Variants in CACNA2D1 observed in about 807,000 individuals in gnomAD.
CACNA2D1 encodes the protein voltage-dependent calcium channel subunit alpha-2/delta-1.
CACNA2D1 carries 53 observed loss-of-function variants against 171.5 expected under a neutral mutation model. The observed-to-expected ratio is 0.31, with a 90% CI of 0.25 to 0.39. The LOEUF (loss-of-function observed/expected upper bound fraction) is 0.39. Among genes scored for constraint, CACNA2D1 ranks in the 10% least tolerant of loss-of-function variants. CACNA2D1 has a pLI of 1.00. For synonymous variants in CACNA2D1, 442 were observed against 443.1 expected, an observed-to-expected ratio of 1.00 and a Z score of 0.03; for missense variants, 903 against 1,299.8, an observed-to-expected ratio of 0.69 and a Z score of 4.69.
At chr7:81,963,293 C>T (rs1233403559) in intron 34 of CACNA2D1, among the ~76,000 whole-genome samples, 1 of 151,750 alleles carries the variant, frequency 6.6e-6, no homozygotes, top group Non-Finnish European at 1.5e-5. Context: ...CAAACCTCAA[C>T]ATCAAATGAA....
intron 1 of CACNA2D1, among the ~76,000 whole-genome samples, chr7:82,397,551 G>C (rs1263819046): frequency 2.0e-5 from 3 of 152,126 alleles, no homozygotes; most frequent in East Asian, 1.9e-4. Context: ...TATGCTGACA[G>C]AGTACACAAA....
chr7:82,370,588 G>T (rs907948898), intron 1 of CACNA2D1, among the ~76,000 whole-genome samples: 1 of 71,620 alleles, frequency 1.4e-5, no homozygotes, highest in African/African-American at 4.0e-5. Context: ...GATAGAAATA[G>T]AGATATACAG....
chr7:82,011,008 G>A (rs1404090548), intron 15 of CACNA2D1, among the ~76,000 whole-genome samples: 4 of 152,030 alleles, frequency 2.6e-5, no homozygotes, highest in South Asian at 2.1e-4. Context: ...GCTTAAGTGC[G>A]ATGATTATTA....
chr7:82,042,802 A>G (rs922873137), intron 10 of CACNA2D1, among the ~76,000 whole-genome samples: 1 of 152,150 alleles, frequency 6.6e-6, no homozygotes, highest in African/African-American at 2.4e-5. Context: ...AGTCCTCATG[A>G]AAGTTTTCAT....
intron 5 of CACNA2D1, among the ~76,000 whole-genome samples, chr7:82,119,215 A>G (rs1789430823): frequency 6.6e-6 from 1 of 152,178 alleles, no homozygotes; most frequent in Non-Finnish European, 1.5e-5. Flanking sequence ...TCTTTTCAAA[A>G]TATATCTTCT....
intron 14 of CACNA2D1, among the ~76,000 whole-genome samples, chr7:82,013,110 C>T (rs200013746): frequency 1.3e-5 from 2 of 151,938 alleles, no homozygotes; most frequent in African/African-American, 4.8e-5. Flanking sequence ...ATTTTATACA[C>T]AGTACCTACA....
intron 1 of CACNA2D1, among the ~76,000 whole-genome samples, chr7:82,393,504 C>T (rs756068781): frequency 2.0e-5 from 3 of 152,008 alleles, no homozygotes; most frequent in Non-Finnish European, 4.4e-5. Flanking sequence ...AAAATTTAAG[C>T]CCTTGGCTGT....
intron 3 of CACNA2D1, among the ~76,000 whole-genome samples, chr7:82,257,417 T>C (rs1806440799): frequency 6.6e-6 from 1 of 152,234 alleles, no homozygotes; most frequent in Non-Finnish European, 1.5e-5. Context: ...GAAAAATGCA[T>C]ACGCATCTTG....
At chr7:82,089,616 TAGAGTA>T (rs1033881434) in intron 6 of CACNA2D1, among the ~76,000 whole-genome samples, 12 of 152,192 alleles carry the variant, frequency 7.9e-5, no homozygotes, top group Non-Finnish European at 1.8e-4. Flanking sequence ...TTCTCCCTTT[TAGAGTA>T]TTCTATTGTT....
intron 3 of CACNA2D1, among the ~76,000 whole-genome samples, chr7:82,239,888 C>T (rs372280013): frequency 1.3e-5 from 2 of 152,006 alleles, no homozygotes; most frequent in African/African-American, 4.8e-5. Context: ...CAATGGGACT[C>T]GTTTTCAGGT....
At chr7:82,422,953 C>A (rs762147722) in intron 1 of CACNA2D1, among the ~76,000 whole-genome samples, 1 of 152,042 alleles carries the variant, frequency 6.6e-6, no homozygotes, top group Non-Finnish European at 1.5e-5. Context: ...AAACTAAGGT[C>A]CACAAAATGA....
At chr7:82,319,532 CATAAAT>C (rs1815550913) in intron 3 of CACNA2D1, among the ~76,000 whole-genome samples, 3 of 152,118 alleles carry the variant, frequency 2.0e-5, no homozygotes, top group Admixed American at 2.0e-4. Flanking sequence ...GTTCTGAGCA[CATAAAT>C]ATAACACTTG....
chr7:82,054,389 T>C (rs1451279457), intron 10 of CACNA2D1, among the ~76,000 whole-genome samples: 2 of 152,216 alleles, frequency 1.3e-5, no homozygotes, highest in Non-Finnish European at 2.9e-5. Context: ...TACTTGGGAA[T>C]AGTCATCAAC....
At chr7:82,337,315 C>T (rs191537406) in intron 2 of CACNA2D1, among the ~76,000 whole-genome samples, 136 of 151,992 alleles carry the variant, frequency 8.9e-4, no homozygotes, top group African/African-American at 3.1e-3. Context: ...ATATAACTGC[C>T]CGCCAAAAAA....
At chr7:82,022,107 T>A (rs1439641140) in intron 12 of CACNA2D1, among the ~76,000 whole-genome samples, 1 of 151,892 alleles carries the variant, frequency 6.6e-6, no homozygotes, top group Non-Finnish European at 1.5e-5. Flanking sequence ...TGCATTAAAG[T>A]CATATTATTC....
intron 38 of CACNA2D1, among the ~76,000 whole-genome samples, chr7:81,955,112 C>G (rs1167372830): frequency 6.6e-6 from 1 of 152,066 alleles, no homozygotes; most frequent in Non-Finnish European, 1.5e-5. Flanking sequence ...TCTTCATAAA[C>G]TTGTTATCAA....
chr7:82,332,510 T>TAAAGAAAGGAAG (rs1554514824), intron 3 of CACNA2D1, among the ~76,000 whole-genome samples: 1 of 92,556 alleles, frequency 1.1e-5, no homozygotes, highest in Non-Finnish European at 2.3e-5. Flanking sequence ...AAAAGAAATA[T>TAAAGAAAGGAAG]AAAGAAAGAA....
chr7:82,049,524 T>A (rs1029635446), intron 10 of CACNA2D1, among the ~76,000 whole-genome samples: 1 of 152,190 alleles, frequency 6.6e-6, no homozygotes, highest in African/African-American at 2.4e-5. Flanking sequence ...TTGCTAAAGG[T>A]ACCTCTTTAG....
intron 4 of CACNA2D1, among the ~76,000 whole-genome samples, chr7:82,138,725 C>A (rs1237066046): frequency 6.6e-6 from 1 of 151,996 alleles, no homozygotes; most frequent in African/African-American, 2.4e-5. Flanking sequence ...GGATTACAGG[C>A]GTGAGCCACC....
Sources: gnomAD v4.1 joint callset for allele counts (sites outside exome capture counted in the v4.1 genomes callset) on GRCh38, gnomAD v4.1.1 for gene constraint, MANE v1.5 for transcripts, NCBI Gene and HGNC (gene_info 2026-07-23, HGNC 2026-07-21) for gene names.